The following CPSF2 variants were observed in gnomAD, a reference collection of about 807,000 sequenced individuals.
CPSF2 encodes cleavage and polyadenylation specificity factor subunit 2.
CPSF2 carries 51 observed loss-of-function variants against 84.2 expected under a neutral mutation model. The ratio of observed to expected loss-of-function variants is 0.61; its 90% confidence interval spans 0.48 to 0.77. The LOEUF (loss-of-function observed/expected upper bound fraction) is 0.77, where lower values mean the gene tolerates loss of function less well. CPSF2 is among the 30% of genes least tolerant of loss of function. The probability of loss-of-function intolerance (pLI) is 0.00; values close to 1 mark genes in which losing one functional copy is unlikely to be tolerated. For synonymous variants in CPSF2, 286 were observed against 311.9 expected, an observed-to-expected ratio of 0.92 and a Z score of 0.87; for missense variants, 641 against 929.4, an observed-to-expected ratio of 0.69 and a Z score of 4.03.
In CPSF2 at chr14:92,157,604, AT is replaced by A. The variant is rs528763437; in HGVS notation, c.1596-46del. On this transcript the variant is annotated intron_variant, in intron 12 of 15. Coordinates refer to ENST00000298875, the MANE Select transcript of CPSF2 (RefSeq NM_017437.3). The surrounding 1 kb of genome is among the most constrained non-coding windows in gnomAD (Gnocchi z 4.0). ...ATATATTGTATACATGATAAAAGCC[AT>A]TTTTTTTTAGAATTATGAGAAAAGT... The A allele has an allele frequency of 1.0e-3, 1,347 of 1,306,320 alleles. No individual in the cohort carries two copies. Among genetic ancestry groups the A allele is most frequent in the Non-Finnish European group, 1.2e-3 (1,151 of 930,178 alleles). 80.9% of individuals were successfully genotyped at this position (1,306,320 alleles called of 1,614,324 possible). A position where few individuals can be genotyped will look rare whatever the true frequency, so the allele number is the denominator to read the frequency against.
intron 14 of CPSF2, 143 bp from the exon 15 acceptor site, chr14:92,160,969 A>G: frequency 1.4e-6 from 1 of 700,246 alleles, no homozygotes; most frequent in Middle Eastern, 4.0e-4. Flanking sequence ...AATGTGATTT[A>G]CAGTCTTGAA....
intron 3 of CPSF2, among the ~76,000 whole-genome samples, chr14:92,133,042 G>A (rs1018174102): frequency 3.3e-5 from 5 of 151,670 alleles, no homozygotes; most frequent in Non-Finnish European, 7.4e-5. Flanking sequence ...GTGAGCCGAG[G>A]TTGCGCCAGT....
intron 7 of CPSF2, among the ~76,000 whole-genome samples, chr14:92,138,871 G>GA (rs1266259221): frequency 1.3e-5 from 2 of 151,998 alleles, no homozygotes; most frequent in Non-Finnish European, 2.9e-5. Flanking sequence ...TAGTGGGAAT[G>GA]ACTGTATTCT....
chr14:92,137,775 G>A (rs979395690), intron 6 of CPSF2, among the ~76,000 whole-genome samples: 1 of 152,130 alleles, frequency 6.6e-6, no homozygotes, highest in South Asian at 2.1e-4. Context: ...CAAATACAGT[G>A]TAGACACAAT....
At chr14:92,154,329 A>G (rs2069261187) in intron 9 of CPSF2, 29 bp from the exon 10 acceptor site, 2 of 1,533,508 alleles carry the variant, frequency 1.3e-6, no homozygotes, top group East Asian at 2.3e-5. Flanking sequence ...ACATATTAAC[A>G]TTTCCTTTTG....
intron 1 of CPSF2, among the ~76,000 whole-genome samples, chr14:92,122,918 G>T (rs2068795236): frequency 6.6e-6 from 1 of 150,624 alleles, no homozygotes; most frequent in Non-Finnish European, 1.5e-5. Flanking sequence ...CGAACTCCTG[G>T]GCTCAAGAGA....
At position 92,170,044 on chromosome 14, in the gene CPSF2, C is replaced by T. The variant is rs1281054017; in HGVS notation, c.*8300C>T. ...GTCCCAGTTACTCAGGAGGCTGAGGCAGGAGGATCCCTTGAGATTGAGGCT... is the reference window on the plus strand; with the variant it reads ...GTCCCAGTTACTCAGGAGGCTGAGGTAGGAGGATCCCTTGAGATTGAGGCT... On this transcript the variant is annotated 3_prime_UTR_variant, in exon 16 of 16. Transcript: ENST00000298875. The T allele has an allele frequency of 1.3e-5, 2 of 152,124 alleles. No homozygotes were observed. Among genetic ancestry groups the T allele is most frequent in the Non-Finnish European group, 2.9e-5 (2 of 68,062 alleles). The allele number at this position is 152,124 out of a possible 1,614,324, so 9.4% of individuals were successfully genotyped here.
intron 3 of CPSF2, among the ~76,000 whole-genome samples, chr14:92,133,137 T>C (rs10130131): frequency 0.52 from 78,316 of 151,340 alleles, 21,845 homozygotes; most frequent in East Asian, 0.98. Context: ...AATCAACTTA[T>C]GGCCGGGCGT....
At chr14:92,124,480 C>T (rs983634009) in intron 1 of CPSF2, among the ~76,000 whole-genome samples, 2 of 152,146 alleles carry the variant, frequency 1.3e-5, no homozygotes, top group Non-Finnish European at 2.9e-5. Flanking sequence ...AAGAAGGTGA[C>T]TTGAGTTTTT....
chr14:92,153,287 A>T (rs1227486952), intron 9 of CPSF2, among the ~76,000 whole-genome samples: 1 of 151,960 alleles, frequency 6.6e-6, no homozygotes. Flanking sequence ...TTGCCTTTTT[A>T]AGTATCTTGT....
chr14:92,122,708 A>AT (rs140999643), intron 1 of CPSF2, among the ~76,000 whole-genome samples: 30,653 of 152,026 alleles, frequency 0.2, 3,358 homozygotes, highest in East Asian at 0.29. Flanking sequence ...ACTTCGTACT[A>AT]TTTTACGTGC....
At chr14:92,151,452 T>C (rs913426800) in intron 9 of CPSF2, among the ~76,000 whole-genome samples, 3 of 105,670 alleles carry the variant, frequency 2.8e-5, no homozygotes, top group African/African-American at 9.6e-5. Context: ...AAAAAAAAAA[T>C]TAACACAACA....
chr14:92,139,001 G>A (rs923627167), intron 7 of CPSF2, among the ~76,000 whole-genome samples: 8 of 152,140 alleles, frequency 5.3e-5, no homozygotes, highest in Non-Finnish European at 7.4e-5. Flanking sequence ...TAACTTTTGT[G>A]GAACAGTGTG....
Position 92,162,821 on chromosome 14 carries a change from C to T in CPSF2, c.*1077C>T, listed in dbSNP as rs759708277. 3 of 152,156 alleles carry T rather than the reference C, an allele frequency of 2.0e-5. No homozygotes were observed. The highest frequency in any genetic ancestry group is 4.4e-5 in the Non-Finnish European group (3 of 68,026). 9.4% of individuals were successfully genotyped at this position (152,156 alleles called of 1,614,324 possible). A position where few individuals can be genotyped will look rare whatever the true frequency, so the allele number is the denominator to read the frequency against. On this transcript the variant is annotated 3_prime_UTR_variant, in exon 16 of 16. Coordinates refer to ENST00000298875, the MANE Select transcript of CPSF2 (RefSeq NM_017437.3). ...TTCATTGAACTTAAAGAGTGAAAACCATGTAAACTATTGAAACTATTGTAA... is the reference window on the plus strand; with the variant it reads ...TTCATTGAACTTAAAGAGTGAAAACTATGTAAACTATTGAAACTATTGTAA...
rs1024961920 is a variant in CPSF2 at position 92,157,274 on chromosome 14, G to A, written c.1596-385G>A. On this transcript the variant is annotated intron_variant, in intron 12 of 15. Coordinates refer to ENST00000298875, the MANE Select transcript of CPSF2 (RefSeq NM_017437.3). The surrounding 1 kb of genome is among the most constrained non-coding windows in gnomAD (Gnocchi z 4.0). ...TGTAATCCCAGCACTTTGGTAGGCC[G>A]AGATAGGCTGATCACTCGAGATCAG... Among the ~76,000 whole-genome samples, 8 of 152,126 alleles carry A rather than the reference G, an allele frequency of 5.3e-5. No homozygotes were observed. Among genetic ancestry groups the A allele is most frequent in the African/African-American group, 1.4e-4 (6 of 41,418 alleles).
intron 14 of CPSF2, among the ~76,000 whole-genome samples, 191 bp from the exon 15 acceptor site, chr14:92,160,921 T>C (rs2069363527): frequency 6.6e-6 from 1 of 152,170 alleles, no homozygotes; most frequent in African/African-American, 2.4e-5. Context: ...TGTTAAATAA[T>C]GTTAAATAAT....
rs186123351 is a variant in CPSF2, at chr14:92,160,133, T to C, written c.2121+851T>C. ...ATGAGCCACTGGGCCCGGCTAGTTT[T>C]TGTACTTTTAGTAGAAACGGGGTTT... On this transcript the variant is annotated intron_variant, in intron 14 of 15. Transcript: ENST00000298875. Among the ~76,000 whole-genome samples, 4 of 152,294 alleles carry C rather than the reference T, an allele frequency of 2.6e-5. No individual in the cohort carries two copies. In the East Asian group the frequency reaches 5.8e-4, roughly 22 times the overall value.
chr14:92,160,796 T>C (rs2069361957), intron 14 of CPSF2, among the ~76,000 whole-genome samples: 1 of 152,218 alleles, frequency 6.6e-6, no homozygotes, highest in Non-Finnish European at 1.5e-5. Flanking sequence ...CATGGCACGC[T>C]AGTTGACCCC....
At chr14:92,129,387 C>T (rs2068886477) in intron 2 of CPSF2, among the ~76,000 whole-genome samples, 1 of 152,146 alleles carries the variant, frequency 6.6e-6, no homozygotes, top group Non-Finnish European at 1.5e-5. Context: ...AATTGATAAC[C>T]TAGCAGTCTT....
Sources: allele counts gnomAD v4.1 joint callset (sites outside exome capture counted in the v4.1 genomes callset), GRCh38; gene constraint gnomAD v4.1.1; non-coding constraint Gnocchi (gnomAD v3.1); transcripts MANE v1.5; gene names NCBI Gene and HGNC (gene_info 2026-07-23, HGNC 2026-07-21).